The following PPIL4 variants were observed in gnomAD, a reference collection of about 807,000 sequenced individuals.
PPIL4 encodes peptidyl-prolyl cis-trans isomerase-like 4.
PPIL4 carries 50 observed loss-of-function variants against 69.1 expected under a neutral mutation model. The ratio of observed to expected loss-of-function variants is 0.72; its 90% CI spans 0.58 to 0.92. The LOEUF is 0.92. PPIL4 is among the 40% of genes least tolerant of loss of function. The probability of loss-of-function intolerance (pLI) is 0.00; values close to 1 mark genes in which losing one functional copy is unlikely to be tolerated. For synonymous variants in PPIL4, 193 were observed against 191.6 expected (o/e 1.01, Z -0.06); for missense variants, 480 against 587.9 (o/e 0.82, Z 1.90).
rs34245825 is a variant in PPIL4 at position 149,546,042 on chromosome 6, AG to A, written c.-38del. 1.9e-6 allele frequency: 3 copies of A among 1,550,302 alleles called. No individual in the cohort carries two copies. The highest frequency in any genetic ancestry group is 2.6e-6 in the Non-Finnish European group (3 of 1,143,896). ...CTCCTCCGCTACAAACCCCGGGAGG[AG>A]GGGGGTGACAGGCGCAGGCCGACGG... On this transcript the variant is annotated 5_prime_UTR_variant, in exon 1 of 13. Coordinates refer to ENST00000253329, the MANE Select transcript of PPIL4 (RefSeq NM_139126.4).
At chr6:149,536,234 C>T (rs1217367073) in intron 4 of PPIL4, among the ~76,000 whole-genome samples, 2 of 152,148 alleles carry the variant, frequency 1.3e-5, no homozygotes, top group Non-Finnish European at 2.9e-5. Context: ...ATCTTTCTCC[C>T]TCTCAGTGCT....
chr6:149,511,901 C>T (rs148109058), intron 12 of PPIL4, among the ~76,000 whole-genome samples: 23 of 152,246 alleles, frequency 1.5e-4, no homozygotes, highest in Non-Finnish European at 3.4e-4. Flanking sequence ...TCCACAGGTA[C>T]GGAAATCACT....
intron 4 of PPIL4, among the ~76,000 whole-genome samples, chr6:149,536,578 G>A (rs761873433): frequency 7.9e-5 from 12 of 152,018 alleles, no homozygotes; most frequent in Admixed American, 2.6e-4. Context: ...CAGCCACAAC[G>A]ATCCCTTAAG....
chr6:149,513,692 T>A (rs1475244587), intron 11 of PPIL4, among the ~76,000 whole-genome samples: 1 of 151,760 alleles, frequency 6.6e-6, no homozygotes, highest in Non-Finnish European at 1.5e-5. Flanking sequence ...AGAGAAAGGT[T>A]TGAAAGAAAC....
intron 1 of PPIL4, among the ~76,000 whole-genome samples, chr6:149,542,393 T>C (rs1001226334): frequency 1.3e-5 from 2 of 152,184 alleles, no homozygotes; most frequent in Admixed American, 1.3e-4. Flanking sequence ...CTGAGTACCT[T>C]CTAGATGCCT....
Position 149,504,724 on chromosome 6 carries a change from T to C in PPIL4, c.*729A>G, listed in dbSNP as rs565977432. On this transcript the variant is annotated 3_prime_UTR_variant, in exon 13 of 13. Coordinates refer to ENST00000253329, the MANE Select transcript of PPIL4 (RefSeq NM_139126.4). ...CAGTGCCAAGAGAGGTATAAACTAG[T>C]ACAGTCACTTCAGAACACAAATTTG... The C allele has an allele frequency of 2.6e-5, 4 of 152,298 alleles. No homozygotes were observed. The South Asian group carries it at 6.2e-4, about 24-fold the overall frequency. The allele number at this position is 152,298 out of a possible 1,614,324, so 9.4% of individuals were successfully genotyped here.
intron 4 of PPIL4, among the ~76,000 whole-genome samples, 199 bp downstream of exon 4, chr6:149,540,743 A>G (rs1446705852): frequency 6.6e-6 from 1 of 152,226 alleles, no homozygotes; most frequent in East Asian, 1.9e-4. Flanking sequence ...TATTTTCTCA[A>G]TTCTTCACAA....
chr6:149,531,373 A>AAG (rs1337945459), intron 7 of PPIL4, among the ~76,000 whole-genome samples: 2 of 151,220 alleles, frequency 1.3e-5, no homozygotes, highest in Non-Finnish European at 3.0e-5. Context: ...CAAAAAAAAA[A>AAG]AAAAAAAAAA....
At chr6:149,508,188 G>C (rs746333119) in intron 12 of PPIL4, among the ~76,000 whole-genome samples, 4 of 152,138 alleles carry the variant, frequency 2.6e-5, no homozygotes, top group Non-Finnish European at 5.9e-5. Flanking sequence ...AATTAAAAAG[G>C]GGGGAGTGGT....
At chr6:149,517,783 C>T (rs768803265) in intron 10 of PPIL4, 39 of 176,032 alleles carry the variant, frequency 2.2e-4, no homozygotes, top group Middle Eastern at 2.4e-3. Flanking sequence ...GATTTGGGAC[C>T]TGAGTTTAAG....
chr6:149,523,113 A>C (rs983130681), intron 9 of PPIL4, among the ~76,000 whole-genome samples: 1 of 152,228 alleles, frequency 6.6e-6, no homozygotes, highest in Non-Finnish European at 1.5e-5. Context: ...CTAAAAAGGA[A>C]GAAAAATACT....
In PPIL4 at chr6:149,543,690, T is replaced by C. The variant is rs1206088779; in HGVS notation, c.71-2104A>G. 2.0e-5 allele frequency among the ~76,000 whole-genome samples: 3 copies of C among 152,168 alleles called. No homozygotes were observed. The East Asian group carries it at 5.8e-4, about 29-fold the overall frequency. On this transcript the variant is annotated intron_variant, in intron 1 of 12. Transcript: ENST00000253329. ...CTTATGTGGTACTTAAGCTCATAGT[T>C]CCATTTTTTCTTGTTTTTTTTAAAG...
At position 149,533,550 on chromosome 6, in the gene PPIL4, C is replaced by T; in HGVS notation, c.586G>A (p.Glu196Lys). ...LDSGRIGADEEIDDFKGRSAE... is the reference protein window; with the variant it reads ...LDSGRIGADEKIDDFKGRSAE... ...GATCTTCCTTTGAAATCATCAATTT[C>T]TTCATCTGCTCCTATTCGACCACTC... is the stretch of plus-strand genomic sequence containing the variant. Residue 196 changes from glutamate (E) to lysine (K), a missense_variant, in exon 7 of 13, where the codon GAA (glutamate) becomes AAA (lysine). Transcript: ENST00000253329. The T allele has an allele frequency of 6.2e-7, 1 of 1,610,448 alleles. No individual in the cohort carries two copies. The highest frequency in any genetic ancestry group is 8.5e-7 in the Non-Finnish European group (1 of 1,177,176).
chr6:149,529,385 G>A (rs986724045), intron 7 of PPIL4, among the ~76,000 whole-genome samples: 1 of 151,878 alleles, frequency 6.6e-6, no homozygotes, highest in Admixed American at 6.6e-5. Flanking sequence ...TTGAGCCCTG[G>A]AGGTCGGGGT....
chr6:149,537,209 A>G (rs1777291673), intron 4 of PPIL4, among the ~76,000 whole-genome samples: 1 of 152,190 alleles, frequency 6.6e-6, no homozygotes, highest in Non-Finnish European at 1.5e-5. Flanking sequence ...TGACTTCATG[A>G]AATAACAAAT....
intron 4 of PPIL4, among the ~76,000 whole-genome samples, chr6:149,537,250 G>C (rs1473424736): frequency 6.6e-6 from 1 of 152,182 alleles, no homozygotes; most frequent in East Asian, 1.9e-4. Context: ...CCTTATATTG[G>C]AAGATGCCAC....
At chr6:149,509,907 AACT>A (rs1305594638) in intron 12 of PPIL4, among the ~76,000 whole-genome samples, 1 of 152,118 alleles carries the variant, frequency 6.6e-6, no homozygotes, top group Non-Finnish European at 1.5e-5. Flanking sequence ...AAAAAATATT[AACT>A]ACTACTACTT....
chr6:149,527,204 A>G (rs922965840), intron 7 of PPIL4, among the ~76,000 whole-genome samples: 1 of 152,194 alleles, frequency 6.6e-6, no homozygotes, highest in African/African-American at 2.4e-5. Context: ...CTAAAAATAC[A>G]AAAATTAAAC....
chr6:149,529,239 C>CA (rs1035120740), intron 7 of PPIL4, among the ~76,000 whole-genome samples: 4 of 147,230 alleles, frequency 2.7e-5, no homozygotes, highest in South Asian at 2.2e-4. Context: ...AAAAAAAAAA[C>CA]AAAAAAAAGA....
Sources: allele counts gnomAD v4.1 joint callset (sites outside exome capture counted in the v4.1 genomes callset), GRCh38; gene constraint gnomAD v4.1.1; transcripts MANE v1.5; gene names NCBI Gene and HGNC (gene_info 2026-07-23, HGNC 2026-07-21).